The following LTBP1 variants were observed in gnomAD, a reference collection of about 807,000 sequenced individuals.
LTBP1 encodes latent transforming growth factor beta binding protein 1.
In LTBP1, 129 loss-of-function variants were observed where a neutral mutation model predicts 207.6. That is an observed-to-expected ratio of 0.62 (90% CI 0.54 to 0.72). The LOEUF (loss-of-function observed/expected upper bound fraction) is 0.72, where lower values mean the gene tolerates loss of function less well. LTBP1 is among the 30% of genes least tolerant of loss of function. The pLI, the probability that LTBP1 is intolerant of heterozygous loss-of-function variation, is 0.00. For missense variants in LTBP1, 2,281 were observed against 2,217.2 expected (o/e 1.03, Z -0.58); for synonymous variants, 963 against 833.7 (o/e 1.16, Z -2.67).
intron 15 of LTBP1, among the ~76,000 whole-genome samples, chr2:33,268,256 C>G (rs112563829): frequency 7.0e-4 from 107 of 152,244 alleles, no homozygotes; most frequent in African/African-American, 2.5e-3. Context: ...ATTTAAGGAG[C>G]AATCTCATCA....
chr2:33,169,868 A>T (rs2085260154), intron 5 of LTBP1, among the ~76,000 whole-genome samples: 1 of 152,230 alleles, frequency 6.6e-6, no homozygotes, highest in Non-Finnish European at 1.5e-5. Flanking sequence ...CAGTAAACAG[A>T]TATGTGGGGA....
chr2:33,204,278 A>G (rs1343945475), intron 7 of LTBP1, among the ~76,000 whole-genome samples: 1 of 151,168 alleles, frequency 6.6e-6, no homozygotes, highest in African/African-American at 2.5e-5. Context: ...TTCTATTTCA[A>G]CAAGGTCACT....
Position 33,085,652 on chromosome 2 carries a change from G to A in LTBP1, c.864-24930G>A, listed in dbSNP as rs368149391. On this transcript the variant is annotated intron_variant, in intron 3 of 33. Coordinates refer to ENST00000404816, the MANE Select transcript of LTBP1 (RefSeq NM_206943.4). ...TTATTATTATCCTCTTTTTATGGAT[G>A]CAACACTGAGATTTAGAGTATTGAA... Among the ~76,000 whole-genome samples, 3 of 152,142 alleles carry A rather than the reference G, an allele frequency of 2.0e-5. No homozygotes were observed. The East Asian group carries it at 5.8e-4, about 29-fold the overall frequency.
rs545639941 is a variant in LTBP1, at chr2:32,983,613, A to G, written c.565+34668A>G. Among the ~76,000 whole-genome samples the G allele has an allele frequency of 2.8e-4, 43 of 152,302 alleles. 2 individuals carry two copies. Among genetic ancestry groups the G allele is most frequent in the Admixed American group, 2.7e-3 (41 of 15,292 alleles). On this transcript the variant is annotated intron_variant, in intron 2 of 33. Transcript: ENST00000404816. ...GTGTCGTAGGAGGGACCTGGTGGGA[A>G]GTAATTGAATCACAGGGGCAGGATT...
At chr2:33,077,353 A>G (rs1263183941) in intron 3 of LTBP1, among the ~76,000 whole-genome samples, 1 of 152,220 alleles carries the variant, frequency 6.6e-6, no homozygotes, top group Non-Finnish European at 1.5e-5. Flanking sequence ...AATAAATACC[A>G]GAGACTGGGT....
intron 19 of LTBP1, among the ~76,000 whole-genome samples, chr2:33,292,747 T>C (rs2093799064): frequency 6.6e-6 from 1 of 152,172 alleles, no homozygotes; most frequent in Non-Finnish European, 1.5e-5. Flanking sequence ...GGGTCATGAG[T>C]CATATCTTTT....
intron 5 of LTBP1, among the ~76,000 whole-genome samples, chr2:33,153,006 G>T (rs1373151732): frequency 6.6e-6 from 1 of 152,168 alleles, no homozygotes; most frequent in Non-Finnish European, 1.5e-5. Context: ...AAGATCCTTT[G>T]CAGCCCTAAA....
intron 9 of LTBP1, among the ~76,000 whole-genome samples, chr2:33,241,422 T>A (rs923228275): frequency 3.3e-5 from 5 of 152,164 alleles, no homozygotes; most frequent in Non-Finnish European, 7.4e-5. Context: ...CAGTAAGCAG[T>A]GTGGAGAGTC....
At chr2:33,334,761 G>A (rs2149531195) in intron 24 of LTBP1, among the ~76,000 whole-genome samples, 1 of 152,086 alleles carries the variant, frequency 6.6e-6, no homozygotes, top group East Asian at 1.9e-4. Context: ...AGGCTTGTCT[G>A]GGTAATTTTT....
At chr2:33,055,002 C>G (rs934656720) in intron 3 of LTBP1, among the ~76,000 whole-genome samples, 3 of 152,134 alleles carry the variant, frequency 2.0e-5, no homozygotes, top group Non-Finnish European at 4.4e-5. Context: ...ATAACAAGCC[C>G]CACCAGATGA....
At chr2:33,368,206 CA>C (rs1204068979) in intron 31 of LTBP1, among the ~76,000 whole-genome samples, 31 of 134,176 alleles carry the variant, frequency 2.3e-4, no homozygotes, top group Admixed American at 4.5e-4. Context: ...GACTCTGTCT[CA>C]AAAAAAAAAA....
intron 7 of LTBP1, among the ~76,000 whole-genome samples, chr2:33,205,237 T>C (rs1327906487): frequency 6.6e-6 from 1 of 152,246 alleles, no homozygotes; most frequent in African/African-American, 2.4e-5. Flanking sequence ...CCCACACTTC[T>C]CTCTGTTCCT....
At chr2:33,351,498 TAA>T (rs1172903374) in intron 26 of LTBP1, among the ~76,000 whole-genome samples, 1 of 152,220 alleles carries the variant, frequency 6.6e-6, no homozygotes, top group African/African-American at 2.4e-5. Context: ...GGTAAATTTT[TAA>T]AAAGTCTCCT....
chr2:33,240,050 GAT>G (rs1380810327), intron 9 of LTBP1, among the ~76,000 whole-genome samples: 9 of 152,258 alleles, frequency 5.9e-5, no homozygotes, highest in African/African-American at 2.2e-4. Context: ...AAAGAAAGAA[GAT>G]AGCTTTAGGC....
At chr2:33,139,715 T>C (rs1173376080) in intron 5 of LTBP1, among the ~76,000 whole-genome samples, 1 of 151,194 alleles carries the variant, frequency 6.6e-6, no homozygotes, top group Non-Finnish European at 1.5e-5. Context: ...CATGGGGGAG[T>C]AGAGGGAAGA....
intron 19 of LTBP1, among the ~76,000 whole-genome samples, chr2:33,289,940 T>C (rs987825707): frequency 6.6e-6 from 1 of 152,208 alleles, no homozygotes; most frequent in Admixed American, 6.5e-5. Context: ...TTTGTGTTGC[T>C]GTAACGGAAC....
At chr2:33,108,740 A>G (rs2150233419) in intron 3 of LTBP1, among the ~76,000 whole-genome samples, 1 of 152,288 alleles carries the variant, frequency 6.6e-6, no homozygotes, top group African/African-American at 2.4e-5. Context: ...GGGTGGCAGC[A>G]TGGCCGGAGG....
intron 3 of LTBP1, among the ~76,000 whole-genome samples, chr2:33,050,407 A>G (rs1012240476): frequency 2.6e-5 from 4 of 152,170 alleles, no homozygotes; most frequent in Non-Finnish European, 5.9e-5. Flanking sequence ...AAAGGTAAAA[A>G]GTAGGATCGG....
intron 5 of LTBP1, among the ~76,000 whole-genome samples, chr2:33,159,133 T>A (rs937423521): frequency 5.9e-5 from 9 of 152,202 alleles, no homozygotes; most frequent in African/African-American, 2.2e-4. Context: ...AGTACCTGCC[T>A]AGCAAGCTGT....
Sources: allele counts gnomAD v4.1 joint callset (sites outside exome capture counted in the v4.1 genomes callset), GRCh38; gene constraint gnomAD v4.1.1; transcripts MANE v1.5; gene names NCBI Gene and HGNC (gene_info 2026-07-23, HGNC 2026-07-21).